The following ST7L variants were observed in gnomAD, a reference collection of about 807,000 sequenced individuals.
ST7L encodes suppressor of tumorigenicity 7 protein-like.
In ST7L, 57 loss-of-function variants were observed where a neutral mutation model predicts 72.5. The ratio of observed to expected loss-of-function variants is 0.79; its 90% CI spans 0.64 to 0.98. The LOEUF (loss-of-function observed/expected upper bound fraction) is 0.98, where lower values mean the gene tolerates loss of function less well. Ranked by LOEUF, ST7L falls within the 50% of genes least tolerant of loss-of-function variation. ST7L has a pLI of 0.00. For synonymous variants in ST7L, 221 were observed against 240.9 expected, an observed-to-expected ratio of 0.92 and a Z score of 0.77; for missense variants, 576 against 672.2, an observed-to-expected ratio of 0.86 and a Z score of 1.58.
chr1:112,568,315 G>A (rs1319797725), intron 11 of ST7L, among the ~76,000 whole-genome samples: 8 of 151,024 alleles, frequency 5.3e-5, no homozygotes, highest in Admixed American at 5.3e-4. Flanking sequence ...AGTGTCAATG[G>A]TCTACTGTAA....
chr1:112,527,838 A>G (rs1653714269), intron 14 of ST7L: 1 of 152,342 alleles, frequency 6.6e-6, no homozygotes, highest in Admixed American at 6.5e-5. Context: ...CCCTGAACAC[A>G]TGCGCTGCTT....
chr1:112,532,004 G>A (rs1346272950), intron 14 of ST7L, among the ~76,000 whole-genome samples: 5 of 152,012 alleles, frequency 3.3e-5, no homozygotes, highest in Non-Finnish European at 4.4e-5. Flanking sequence ...TTTTTTAAAG[G>A]TGGTATTACA....
At chr1:112,558,672 T>C (rs1659588482) in intron 11 of ST7L, among the ~76,000 whole-genome samples, 1 of 152,234 alleles carries the variant, frequency 6.6e-6, no homozygotes, top group Non-Finnish European at 1.5e-5. Flanking sequence ...CCCATTCAGT[T>C]TCTTAAAGGA....
chr1:112,542,147 CTT>C (rs944163410), intron 13 of ST7L, 57 bp from the exon 14 acceptor site: 8 of 1,432,848 alleles, frequency 5.6e-6, no homozygotes, highest in Middle Eastern at 3.7e-4. Context: ...GTAAACAAGT[CTT>C]AATCTTTTCA....
intron 13 of ST7L, among the ~76,000 whole-genome samples, chr1:112,546,018 C>T (rs373160056): frequency 1.4e-4 from 22 of 152,138 alleles, no homozygotes; most frequent in Non-Finnish European, 2.8e-4. Flanking sequence ...ATTCTCTCTC[C>T]CAGAAGTTTT....
intron 5 of ST7L, 46 bp downstream of exon 5, chr1:112,597,925 G>A: frequency 1.4e-6 from 2 of 1,404,178 alleles, no homozygotes; most frequent in Non-Finnish European, 2.0e-6. Flanking sequence ...CTTTTAAGAT[G>A]ATCTTCATGA....
At chr1:112,609,926 A>T (rs1668818639) in intron 3 of ST7L, among the ~76,000 whole-genome samples, 2 of 152,204 alleles carry the variant, frequency 1.3e-5, no homozygotes, top group Admixed American at 1.3e-4. Context: ...TGAGACTTTG[A>T]TGCCTTTTTA....
At chr1:112,598,584 T>A (rs1425578233) in intron 4 of ST7L, among the ~76,000 whole-genome samples, 1 of 151,456 alleles carries the variant, frequency 6.6e-6, no homozygotes, top group African/African-American at 2.4e-5. Context: ...ATCTTATCTC[T>A]ATTTTTTAAC....
chr1:112,563,514 C>A (rs1019347164), intron 11 of ST7L, among the ~76,000 whole-genome samples: 1 of 152,146 alleles, frequency 6.6e-6, no homozygotes, highest in African/African-American at 2.4e-5. Context: ...AAAGCTAGGA[C>A]CTAATATGTG....
At chr1:112,610,102 G>T (rs1269917307) in intron 3 of ST7L, among the ~76,000 whole-genome samples, 1 of 151,982 alleles carries the variant, frequency 6.6e-6, no homozygotes, top group African/African-American at 2.4e-5. Context: ...GCTAGTAATG[G>T]CCATATGAAA....
chr1:112,614,011 C>T (rs1192398352), intron 2 of ST7L, among the ~76,000 whole-genome samples: 2 of 152,222 alleles, frequency 1.3e-5, no homozygotes, highest in Non-Finnish European at 2.9e-5. Context: ...AGTACAGACA[C>T]GAGACACCAC....
At chr1:112,601,827 C>T (rs997030199) in intron 3 of ST7L, among the ~76,000 whole-genome samples, 2 of 151,764 alleles carry the variant, frequency 1.3e-5, no homozygotes, top group African/African-American at 4.8e-5. Context: ...GTCTGTAATC[C>T]CAGCACTTTG....
intron 14 of ST7L, among the ~76,000 whole-genome samples, chr1:112,536,442 G>A (rs879109398): frequency 6.6e-6 from 1 of 151,842 alleles, no homozygotes; most frequent in African/African-American, 2.4e-5. Flanking sequence ...TCTTTTCCCT[G>A]AAAAAAATGG....
At chr1:112,617,109 G>A in intron 1 of ST7L, 1 of 309,676 alleles carries the variant, frequency 3.2e-6, no homozygotes, top group Non-Finnish European at 5.9e-6. Context: ...GCTTGCTTTG[G>A]AGAATAAAAC....
downstream of ST7L, chr1:112,520,396 T>C: frequency 6.2e-7 from 1 of 1,614,132 alleles, no homozygotes; most frequent in Non-Finnish European, 8.5e-7. Flanking sequence ...TGTTACCCAG[T>C]GTGAGTGCAA....
At chr1:112,568,547 G>A (rs183499223) in intron 11 of ST7L, among the ~76,000 whole-genome samples, 174 of 151,342 alleles carry the variant, frequency 1.1e-3, no homozygotes, top group African/African-American at 3.9e-3. Context: ...GTGTTAGCCA[G>A]GATGGTCTCG....
chr1:112,578,473 T>C, intron 9 of ST7L, 56 bp from the exon 10 acceptor site: 2 of 1,490,546 alleles, frequency 1.3e-6, no homozygotes, highest in South Asian at 2.3e-5. Flanking sequence ...TTGAGACAAT[T>C]TTTTAATAAG....
At chr1:112,546,316 C>CAAAA (rs57742086) in intron 13 of ST7L, among the ~76,000 whole-genome samples, 5 of 91,342 alleles carry the variant, frequency 5.5e-5, no homozygotes, top group African/African-American at 4.1e-5. Flanking sequence ...AATCCTAACT[C>CAAAA]AAAAAAAAAA....
intron 11 of ST7L, among the ~76,000 whole-genome samples, chr1:112,567,510 A>G (rs1661242824): frequency 1.3e-5 from 2 of 152,156 alleles, no homozygotes; most frequent in Admixed American, 6.6e-5. Context: ...TCTATGTCCT[A>G]GGAAATCTTT....
Sources: allele counts gnomAD v4.1 joint callset (sites outside exome capture counted in the v4.1 genomes callset), GRCh38; gene constraint gnomAD v4.1.1; transcripts MANE v1.5; gene names NCBI Gene and HGNC (gene_info 2026-07-23, HGNC 2026-07-21).